FAM227B: variants seen among roughly 807,000 people sequenced by gnomAD.
FAM227B encodes protein FAM227B.
FAM227B carries 88 observed loss-of-function variants against 73.8 expected under a neutral mutation model. That is an observed-to-expected ratio of 1.19 (90% confidence interval 1.00 to 1.42). FAM227B has a LOEUF of 1.42. FAM227B is among the 40% of genes most tolerant of loss of function. FAM227B has a pLI of 0.00. For synonymous variants in FAM227B, 210 were observed against 190.5 expected (o/e 1.10, Z -0.84); for missense variants, 632 against 590.9 (o/e 1.07, Z -0.72).
chr15:49,336,083 C>A (rs547501578), intron 13 of FAM227B, among the ~76,000 whole-genome samples: 3 of 152,310 alleles, frequency 2.0e-5, no homozygotes, highest in African/African-American at 7.2e-5. Flanking sequence ...ATTGGGATTA[C>A]AGGTGTGAGC....
chr15:49,540,459 T>TC (rs1176624585), intron 10 of FAM227B, among the ~76,000 whole-genome samples: 1 of 152,200 alleles, frequency 6.6e-6, no homozygotes, highest in African/African-American at 2.4e-5. Flanking sequence ...CTTAACCCCT[T>TC]CTAGGACTAT....
intron 8 of FAM227B, among the ~76,000 whole-genome samples, chr15:49,569,772 G>A (rs907125145): frequency 6.6e-6 from 1 of 151,922 alleles, no homozygotes; most frequent in African/African-American, 2.4e-5. Flanking sequence ...CTTTGAACAT[G>A]TGCCCATTGC....
At chr15:49,379,307 T>C (rs917947757) in intron 11 of FAM227B, among the ~76,000 whole-genome samples, 9 of 152,322 alleles carry the variant, frequency 5.9e-5, no homozygotes, top group Middle Eastern at 3.4e-3. Flanking sequence ...ATCAGGGTAA[T>C]ACTGGCCTTG....
At chr15:49,345,199 T>TATTGGTATATA (rs1291247190) in intron 13 of FAM227B, among the ~76,000 whole-genome samples, 1 of 152,226 alleles carries the variant, frequency 6.6e-6, no homozygotes, top group African/African-American at 2.4e-5. Flanking sequence ...TATTATATAC[T>TATTGGTATATA]ATTGGTATTG....
chr15:49,427,196 T>C (rs1342296286), intron 11 of FAM227B, among the ~76,000 whole-genome samples: 1 of 152,054 alleles, frequency 6.6e-6, no homozygotes, highest in Non-Finnish European at 1.5e-5. Context: ...AGCTGCTATA[T>C]TAGGAAATCT....
chr15:49,387,557 T>C (rs923917091), intron 11 of FAM227B, among the ~76,000 whole-genome samples: 1 of 151,866 alleles, frequency 6.6e-6, no homozygotes, highest in Non-Finnish European at 1.5e-5. Context: ...GCATTTCCCC[T>C]GAGAACAGAA....
intron 11 of FAM227B, among the ~76,000 whole-genome samples, chr15:49,468,264 A>G (rs1242769584): frequency 6.6e-6 from 1 of 152,166 alleles, no homozygotes; most frequent in Non-Finnish European, 1.5e-5. Flanking sequence ...ATGATGTGGA[A>G]TCAGTTCTCT....
intron 11 of FAM227B, among the ~76,000 whole-genome samples, chr15:49,434,227 T>C (rs1308558450): frequency 1.3e-5 from 2 of 151,742 alleles, no homozygotes; most frequent in Non-Finnish European, 2.9e-5. Context: ...AGGTGTTACA[T>C]AGTTTCCGCC....
intron 10 of FAM227B, among the ~76,000 whole-genome samples, chr15:49,522,637 TAC>T (rs1311105053): frequency 1.3e-5 from 2 of 152,028 alleles, no homozygotes; most frequent in Admixed American, 6.6e-5. Flanking sequence ...AATTTCAAAA[TAC>T]AGTTTAAAGC....
chr15:49,610,255 T>C (rs1418761089), intron 3 of FAM227B, among the ~76,000 whole-genome samples: 1 of 151,848 alleles, frequency 6.6e-6, no homozygotes, highest in African/African-American at 2.4e-5. Context: ...TTAAACATTG[T>C]CATTAGGCTG....
chr15:49,474,554 A>C (rs1223953618), intron 11 of FAM227B, among the ~76,000 whole-genome samples: 1 of 152,188 alleles, frequency 6.6e-6, no homozygotes, highest in East Asian at 1.9e-4. Context: ...TCAGTAAAAA[A>C]AGGAATAGAA....
At chr15:49,374,792 C>T (rs1050919989) in intron 11 of FAM227B, among the ~76,000 whole-genome samples, 7 of 152,204 alleles carry the variant, frequency 4.6e-5, no homozygotes, top group Non-Finnish European at 7.3e-5. Flanking sequence ...GATCCTCCTA[C>T]CTTGGCTTCC....
chr15:49,413,550 A>G (rs2049013916), intron 11 of FAM227B, among the ~76,000 whole-genome samples: 2 of 152,072 alleles, frequency 1.3e-5, no homozygotes, highest in South Asian at 4.1e-4. Context: ...TTAGTCTAAG[A>G]TATAATCTCT....
chr15:49,599,082 T>C (rs2077043691), intron 3 of FAM227B, among the ~76,000 whole-genome samples: 1 of 152,082 alleles, frequency 6.6e-6, no homozygotes, highest in African/African-American at 2.4e-5. Context: ...TGGGCTTTTG[T>C]TTATTGGGAG....
Position 49,615,263 on chromosome 15 carries a change from C to T in FAM227B, c.-72-20G>A. 9.7e-7 allele frequency: 1 copy of T among 1,030,066 alleles called. No individual in the cohort carries two copies. The highest frequency in any genetic ancestry group is 1.3e-5 in the South Asian group (1 of 78,878). The allele number at this position is 1,030,066 out of a possible 1,614,324, so 63.8% of individuals were successfully genotyped here. ...ACCAAACTGGGGTATGAAAGACACC[C>T]AAATGCAAAAATAAATGACTCAGCC... is the stretch of plus-strand genomic sequence containing the variant. On this transcript the variant is annotated intron_variant, in intron 1 of 15. Coordinates refer to ENST00000299338, the MANE Select transcript of FAM227B (RefSeq NM_152647.3).
At chr15:49,416,277 G>A (rs569870534) in intron 11 of FAM227B, among the ~76,000 whole-genome samples, 68 of 151,666 alleles carry the variant, frequency 4.5e-4, no homozygotes, top group African/African-American at 1.6e-3. Flanking sequence ...CTGGCACCGA[G>A]TATCTATTTG....
At chr15:49,607,571 A>G (rs755837686) in intron 3 of FAM227B, among the ~76,000 whole-genome samples, 2 of 152,156 alleles carry the variant, frequency 1.3e-5, no homozygotes, top group Non-Finnish European at 2.9e-5. Flanking sequence ...ATATGTACAA[A>G]TCTTTATGAA....
Position 49,558,841 on chromosome 15 carries a change from A to C in FAM227B, c.747+9404T>G, listed in dbSNP as rs566336815. On this transcript the variant is annotated intron_variant, in intron 9 of 15. Transcript: ENST00000299338. ...GTTCCAACTCTACAGGCACTGGACC[A>C]CTTCCCCAGGGCCCAAAGTCAGGCT... is the stretch of plus-strand genomic sequence containing the variant. Among the ~76,000 whole-genome samples the C allele has an allele frequency of 3.5e-4, 53 of 152,146 alleles. No individual in the cohort carries two copies. The South Asian group carries it at 3.7e-3, about 11-fold the overall frequency.
rs1283060115 is a variant in FAM227B at position 49,398,335 on chromosome 15, A to C, written c.1013-26936T>G. ...TATATGCACCCAATACAGGAGCACC[A>C]AGATTCATAAAGCAAGTCCTGAGTG... is the stretch of plus-strand genomic sequence containing the variant. On this transcript the variant is annotated intron_variant, in intron 11 of 15. Coordinates refer to ENST00000299338, the MANE Select transcript of FAM227B (RefSeq NM_152647.3). 6.2e-5 allele frequency among the ~76,000 whole-genome samples: 9 copies of C among 145,412 alleles called. 1 individual carries two copies. In the South Asian group the frequency reaches 1.6e-3, roughly 26 times the overall value.
Sources: allele counts gnomAD v4.1 joint callset (sites outside exome capture counted in the v4.1 genomes callset), GRCh38; gene constraint gnomAD v4.1.1; transcripts MANE v1.5; gene names NCBI Gene and HGNC (gene_info 2026-07-23, HGNC 2026-07-21).